The following KSR1 variants were observed in gnomAD, a reference collection of about 807,000 sequenced individuals.
KSR1 encodes kinase suppressor of ras 1, also known as kinase suppressor of ras.
A neutral mutation model predicts 92.9 loss-of-function variants in KSR1; 35 were observed. The ratio of observed to expected loss-of-function variants is 0.38; its 90% CI spans 0.29 to 0.50. The LOEUF (loss-of-function observed/expected upper bound fraction) is 0.50, where lower values mean the gene tolerates loss of function less well. KSR1 is among the 20% of genes least tolerant of loss of function. The pLI is 0.94. For synonymous variants in KSR1, 467 were observed against 472.6 expected, an observed-to-expected ratio of 0.99 and a Z score of 0.15; for missense variants, 972 against 1,158.5, an observed-to-expected ratio of 0.84 and a Z score of 2.34.
intron 1 of KSR1, among the ~76,000 whole-genome samples, chr17:27,516,319 T>C (rs2069791674): frequency 6.6e-6 from 1 of 152,198 alleles, no homozygotes; most frequent in Non-Finnish European, 1.5e-5. Flanking sequence ...AATATTATCA[T>C]CATTATCACA....
At chr17:27,493,117 T>TGTGA (rs2068875879) in intron 1 of KSR1, among the ~76,000 whole-genome samples, 1 of 152,208 alleles carries the variant, frequency 6.6e-6, no homozygotes, top group Non-Finnish European at 1.5e-5. Flanking sequence ...CAATTTACTA[T>TGTGA]GTGAGGTACA....
intron 2 of KSR1, among the ~76,000 whole-genome samples, chr17:27,566,062 T>TG (rs1266415699): frequency 6.6e-6 from 1 of 152,084 alleles, no homozygotes; most frequent in Non-Finnish European, 1.5e-5. Context: ...TGCAGGGGCT[T>TG]GGGGGCAGTT....
At chr17:27,580,271 T>G (rs2151162457) in intron 3 of KSR1, among the ~76,000 whole-genome samples, 1 of 152,334 alleles carries the variant, frequency 6.6e-6, no homozygotes, top group Middle Eastern at 3.4e-3. Flanking sequence ...GGCCAGTCTA[T>G]GAGCTACAGT....
chr17:27,593,989 A>G (rs1163388459), intron 9 of KSR1, among the ~76,000 whole-genome samples: 2 of 152,098 alleles, frequency 1.3e-5, no homozygotes, highest in Non-Finnish European at 2.9e-5. Flanking sequence ...CTGATGACCC[A>G]GTTACCTCTC....
chr17:27,575,297 A>G (rs957721623), intron 2 of KSR1, among the ~76,000 whole-genome samples: 1 of 152,216 alleles, frequency 6.6e-6, no homozygotes, highest in Non-Finnish European at 1.5e-5. Flanking sequence ...GGAAAGGGGC[A>G]GGCAATTCCT....
At chr17:27,495,386 C>T (rs2068951922) in intron 1 of KSR1, among the ~76,000 whole-genome samples, 1 of 152,138 alleles carries the variant, frequency 6.6e-6, no homozygotes, top group Non-Finnish European at 1.5e-5. Flanking sequence ...GTTTATTTAA[C>T]TCAAGAAAAG....
chr17:27,475,850 A>G (rs1018207608), intron 1 of KSR1, among the ~76,000 whole-genome samples: 5 of 152,244 alleles, frequency 3.3e-5, no homozygotes, highest in Admixed American at 2.6e-4. Context: ...GAGGCTGGGT[A>G]AGAACATGAG....
intron 1 of KSR1, among the ~76,000 whole-genome samples, chr17:27,489,862 A>G (rs923797868): frequency 2.0e-5 from 3 of 152,188 alleles, no homozygotes; most frequent in African/African-American, 7.2e-5. Flanking sequence ...CGCAGGGAGA[A>G]AAGGAGGGGC....
intron 1 of KSR1, among the ~76,000 whole-genome samples, chr17:27,549,744 G>A (rs2071324190): frequency 6.6e-6 from 1 of 152,174 alleles, no homozygotes; most frequent in African/African-American, 2.4e-5. Flanking sequence ...CTACACTTGT[G>A]GTGCTCACCA....
rs1829803 is a variant in KSR1, at chr17:27,456,655, A to G, written c.12A>G (p.Ala4=). The G allele has an allele frequency of 0.9, 565,349 of 629,122 alleles. 254,425 individuals are homozygous for G. Among genetic ancestry groups the G allele is most frequent in the East Asian group, 1 (33,866 of 33,878 alleles). The allele number at this position is 629,122 out of a possible 1,614,324, so 39.0% of individuals were successfully genotyped here. Residue 4 remains alanine (A), a synonymous_variant, in exon 1 of 21, where the codon GCA becomes GCG. Coordinates refer to ENST00000644974, the MANE Select transcript of KSR1 (RefSeq NM_001394583.1). MDR[A]ALRAAAMGEK... ...CCCGATGCCGAGGCATGGATAGAGC[A>G]GCGCTGCGCGCGGCGGCGATGGGAG...
chr17:27,513,059 G>A (rs568849229), intron 1 of KSR1, among the ~76,000 whole-genome samples: 4 of 152,100 alleles, frequency 2.6e-5, no homozygotes, highest in Non-Finnish European at 5.9e-5. Flanking sequence ...CCCAAACACT[G>A]TAAATTTAGT....
intron 1 of KSR1, among the ~76,000 whole-genome samples, chr17:27,503,699 T>C (rs1006834005): frequency 1.3e-5 from 2 of 152,152 alleles, no homozygotes; most frequent in African/African-American, 4.8e-5. Context: ...TTTTGACCAG[T>C]GAACTATGAG....
intron 1 of KSR1, among the ~76,000 whole-genome samples, chr17:27,550,113 C>T (rs767020874): frequency 6.6e-6 from 1 of 152,184 alleles, no homozygotes; most frequent in Non-Finnish European, 1.5e-5. Context: ...GATGATGGCT[C>T]ACTGCAGCCT....
chr17:27,537,163 G>A (rs2070780543), intron 1 of KSR1, among the ~76,000 whole-genome samples: 2 of 152,228 alleles, frequency 1.3e-5, no homozygotes, highest in African/African-American at 4.8e-5. Context: ...ATCTTCCTAA[G>A]TGCAGTGGTG....
intron 1 of KSR1, among the ~76,000 whole-genome samples, chr17:27,538,038 A>G (rs2070815407): frequency 6.6e-6 from 1 of 152,232 alleles, no homozygotes; most frequent in Non-Finnish European, 1.5e-5. Context: ...TCGAGATTTA[A>G]GGACTTTTGG....
chr17:27,468,983 C>G (rs938408109), intron 1 of KSR1, among the ~76,000 whole-genome samples: 2 of 152,148 alleles, frequency 1.3e-5, no homozygotes, highest in African/African-American at 4.8e-5. Flanking sequence ...CCTTCCTTTT[C>G]CTTGTTGCTT....
At chr17:27,516,364 T>A (rs2069793032) in intron 1 of KSR1, among the ~76,000 whole-genome samples, 1 of 152,180 alleles carries the variant, frequency 6.6e-6, no homozygotes, top group South Asian at 2.1e-4. Context: ...AACACTGATG[T>A]GGGATTGGGC....
At chr17:27,495,646 A>AT (rs1466021791) in intron 1 of KSR1, among the ~76,000 whole-genome samples, 2 of 152,214 alleles carry the variant, frequency 1.3e-5, no homozygotes, top group African/African-American at 4.8e-5. Flanking sequence ...CAGGTAACAC[A>AT]TGACTGCCAA....
chr17:27,465,584 G>A (rs1280039290), intron 1 of KSR1: 6 of 152,246 alleles, frequency 3.9e-5, no homozygotes, highest in East Asian at 3.9e-4. Context: ...AAAAAGGGGG[G>A]AAAGTGTAAT....
Sources: gnomAD v4.1 joint callset for allele counts (sites outside exome capture counted in the v4.1 genomes callset) on GRCh38, gnomAD v4.1.1 for gene constraint, MANE v1.5 for transcripts, NCBI Gene and HGNC (gene_info 2026-07-23, HGNC 2026-07-21) for gene names.